The following COL5A1 variants were observed in gnomAD, a reference collection of about 807,000 sequenced individuals.
COL5A1 encodes the protein collagen type V alpha 1 chain.
Under a neutral mutation model 263.7 loss-of-function variants are expected in COL5A1, and 16 were observed. That is an observed-to-expected ratio of 0.06 (90% CI 0.04 to 0.09). The LOEUF (loss-of-function observed/expected upper bound fraction) is 0.09, where lower values mean the gene tolerates loss of function less well. Ranked by LOEUF, COL5A1 falls within the 10% of genes least tolerant of loss-of-function variation. The pLI, the probability that COL5A1 is intolerant of heterozygous loss-of-function variation, is 1.00. For missense variants in COL5A1, 2,036 were observed against 2,540.5 expected, an observed-to-expected ratio of 0.80 and a Z score of 4.27; for synonymous variants, 1,012 against 1,004.5, an observed-to-expected ratio of 1.01 and a Z score of -0.14.
Position 134,700,069 on chromosome 9 carries a change from G to T in COL5A1, c.438G>T (p.Lys146Asn), listed in dbSNP as rs758830366. Residue 146 changes from lysine to asparagine, a missense_variant, in exon 3 of 66, where the codon AAG becomes AAT. Transcript: ENST00000371817. This position sits in a 1 kb window ranked among gnomAD's most constrained non-coding sequence, Gnocchi z 4.0. ...TCCTCTACGAGGACCACACGGGGAA[G>T]CCTGGCCCGGAAGACTACCCCCTCT... is the stretch of plus-strand genomic sequence containing the variant. ...PVFLYEDHTG[K>N]PGPEDYPLFR... The T allele has an allele frequency of 1.2e-6, 2 of 1,612,272 alleles. No homozygotes were observed. The highest frequency in any genetic ancestry group is 2.2e-5 in the South Asian group (2 of 91,082).
chr9:134,807,620 A>G (rs1389036378), intron 42 of COL5A1, among the ~76,000 whole-genome samples: 1 of 152,172 alleles, frequency 6.6e-6, no homozygotes, highest in East Asian at 1.9e-4. Flanking sequence ...TGTACGTTTC[A>G]CTCTCAGTGG....
At position 134,653,427 on chromosome 9, in the gene COL5A1, C is replaced by T. The variant is rs137872238; in HGVS notation, c.109+11131C>T. 513 of 152,518 alleles carry T rather than the reference C, an allele frequency of 3.4e-3. 2 individuals carry two copies. The highest frequency in any genetic ancestry group is 0.024 in the Middle Eastern group (7 of 294). The allele number at this position is 152,518 out of a possible 1,614,324, so 9.4% of individuals were successfully genotyped here. A position where few individuals can be genotyped will look rare whatever the true frequency, so the allele number is the denominator to read the frequency against. On this transcript the variant is annotated intron_variant, in intron 1 of 65. Transcript: ENST00000371817. ...CGTTCCAGCCAGAGGCCAGCCCACG[C>T]CCCCGCACCCGGTGATTTTGAAGCC...
intron 42 of COL5A1, among the ~76,000 whole-genome samples, chr9:134,808,010 A>G (rs952668464): frequency 4.6e-5 from 7 of 152,138 alleles, no homozygotes; most frequent in African/African-American, 1.7e-4. Flanking sequence ...AGAACTCCCG[A>G]CCTGACCAGG....
chr9:134,646,172 G>A (rs1402590104), intron 1 of COL5A1, among the ~76,000 whole-genome samples: 1 of 152,190 alleles, frequency 6.6e-6, no homozygotes, highest in Non-Finnish European at 1.5e-5. Flanking sequence ...CTATCTTGGG[G>A]AGACCGAGGC....
intron 16 of COL5A1, among the ~76,000 whole-genome samples, chr9:134,756,311 G>C (rs1220560629): frequency 6.6e-6 from 1 of 152,214 alleles, no homozygotes; most frequent in African/African-American, 2.4e-5. Context: ...TAGCCAAGTG[G>C]ACAAACCAGA....
At chr9:134,706,602 C>T (rs1344385087) in intron 4 of COL5A1, among the ~76,000 whole-genome samples, 2 of 152,186 alleles carry the variant, frequency 1.3e-5, no homozygotes, top group Admixed American at 6.5e-5. Context: ...AGTCACTTGC[C>T]TAAGGTCACT....
intron 1 of COL5A1, among the ~76,000 whole-genome samples, chr9:134,670,820 G>T (rs552483796): frequency 9.2e-5 from 14 of 152,282 alleles, no homozygotes; most frequent in African/African-American, 3.1e-4. Flanking sequence ...TGTGTGCTGA[G>T]TCCCCACTGC....
chr9:134,822,830 GC>G, intron 59 of COL5A1, 167 bp from the exon 60 acceptor site: 1 of 804,680 alleles, frequency 1.2e-6, no homozygotes, highest in South Asian at 1.5e-5. Flanking sequence ...CACCAGCCAG[GC>G]CCCGACCCTC....
intron 11 of COL5A1, among the ~76,000 whole-genome samples, chr9:134,748,377 T>C (rs1157756690): frequency 6.6e-6 from 1 of 151,578 alleles, no homozygotes; most frequent in African/African-American, 2.4e-5. Context: ...ACACTTACAT[T>C]CACACATGCA....
intron 1 of COL5A1, among the ~76,000 whole-genome samples, chr9:134,688,923 C>T (rs1329668783): frequency 2.0e-5 from 3 of 152,174 alleles, no homozygotes; most frequent in Admixed American, 6.5e-5. Context: ...CCACCCTGGT[C>T]TCCTTCAGAG....
Position 134,750,584 on chromosome 9 carries a change from C to T in COL5A1, c.1537C>T (p.Pro513Ser). Residue 513 changes from proline (P) to serine (S), a missense_variant, in exon 12 of 66, where the codon CCC (proline) becomes TCC (serine). Physicochemically the swap from Pro to Ser is moderately conservative, Grantham distance 74 (BLOSUM62 -1). Transcript: ENST00000371817. ...AGGCCTTCCTGGGGCCGATGGCCTGCCCGGTCCTCCAGGAACCATGCTCAT... is the reference window on the plus strand; with the variant it reads ...AGGCCTTCCTGGGGCCGATGGCCTGTCCGGTCCTCCAGGAACCATGCTCAT... The part of the protein sequence containing the change: ...RPGLPGADGL[P>S]GPPGTMLMLP... 1.2e-6 allele frequency: 2 copies of T among 1,613,562 alleles called. No individual in the cohort carries two copies. Among genetic ancestry groups the T allele is most frequent in the Non-Finnish European group, 1.7e-6 (2 of 1,180,026 alleles).
At chr9:134,767,234 A>T (rs1258751256) in intron 23 of COL5A1, 76 bp from the exon 24 acceptor site, 2 of 1,517,834 alleles carry the variant, frequency 1.3e-6, no homozygotes, top group Admixed American at 1.7e-5. Flanking sequence ...CAATGAGAAG[A>T]TGGACAGATG....
chr9:134,801,830 A>G (rs1404143316), intron 37 of COL5A1, 124 bp from the exon 38 acceptor site: 9 of 858,492 alleles, frequency 1.0e-5, no homozygotes, highest in Non-Finnish European at 1.8e-5. Flanking sequence ...CCTCTTACAC[A>G]AAGTCTGGAA....
intron 27 of COL5A1, among the ~76,000 whole-genome samples, chr9:134,776,977 C>G (rs1465186144): frequency 1.3e-5 from 2 of 152,202 alleles, no homozygotes; most frequent in Non-Finnish European, 2.9e-5. Context: ...CAGTCAGTCA[C>G]CTCCCCACAG....
At chr9:134,761,049 C>T (rs1274482715) in intron 18 of COL5A1, among the ~76,000 whole-genome samples, 1 of 148,526 alleles carries the variant, frequency 6.7e-6, no homozygotes, top group East Asian at 2.1e-4. Flanking sequence ...CCACACATGC[C>T]CACACTCACA....
Position 134,789,539 on chromosome 9 carries a change from C to T in COL5A1, c.2700+331C>T, listed in dbSNP as rs1479169710. On this transcript the variant is annotated intron_variant, in intron 32 of 65. Coordinates refer to ENST00000371817, the MANE Select transcript of COL5A1 (RefSeq NM_000093.5). This position sits in a 1 kb window ranked among gnomAD's most constrained non-coding sequence, Gnocchi z 4.8. ...TTCTCCTCTACCCAAGTGGGCTTTT[C>T]CTCCAAGCTAATTTTAAAAGGAAGG... Among the ~76,000 whole-genome samples the T allele has an allele frequency of 6.6e-6, 1 of 152,186 alleles. No homozygotes were observed. Among genetic ancestry groups the T allele is most frequent in the Non-Finnish European group, 1.5e-5 (1 of 68,030 alleles).
At chr9:134,720,241 C>T (rs1834404086) in intron 4 of COL5A1, among the ~76,000 whole-genome samples, 2 of 152,146 alleles carry the variant, frequency 1.3e-5, no homozygotes, top group Admixed American at 1.3e-4. Context: ...TGACCCAGCC[C>T]CAAGCTCCAG....
intron 35 of COL5A1, 107 bp from the exon 36 acceptor site, chr9:134,796,741 G>T: frequency 2.8e-6 from 3 of 1,056,158 alleles, no homozygotes; most frequent in Non-Finnish European, 4.5e-6. Context: ...ATGGGGGTGG[G>T]AAGAAATGAC....
At chr9:134,710,955 GTC>G (rs2132596218) in intron 4 of COL5A1, among the ~76,000 whole-genome samples, 1 of 124,828 alleles carries the variant, frequency 8.0e-6, no homozygotes, top group East Asian at 2.7e-4. Flanking sequence ...GAGGGGCCCC[GTC>G]TGTTGGGTGC....
Sources: gnomAD v4.1 joint callset for allele counts (sites outside exome capture counted in the v4.1 genomes callset) on GRCh38, gnomAD v4.1.1 for gene constraint, Gnocchi (gnomAD v3.1) non-coding constraint, MANE v1.5 for transcripts, NCBI Gene and HGNC (gene_info 2026-07-23, HGNC 2026-07-21) for gene names.